C13orf46: variants seen among roughly 807,000 people sequenced by gnomAD.
C13orf46 encodes uncharacterized protein C13orf46.
chr13:113,945,598 AAAGAAAG>A, the C13orf46 span, among the ~76,000 whole-genome samples: 4 of 131,230 alleles, frequency 3.0e-5, no homozygotes, highest in African/African-American at 8.8e-5. Flanking sequence ...AGAGAGAAAG[AAAGAAAG>A]AAGAAAGAAA....
intron 2 of C13orf46, among the ~76,000 whole-genome samples, chr13:113,969,440 C>T (rs1034501190): frequency 2.0e-5 from 3 of 152,256 alleles, no homozygotes; most frequent in African/African-American, 4.8e-5. Flanking sequence ...AGGCTCCAGG[C>T]GCCGCACACA....
chr13:113,973,443 T>C (rs189589507), intron 1 of C13orf46, among the ~76,000 whole-genome samples: 212 of 152,208 alleles, frequency 1.4e-3, no homozygotes, highest in Admixed American at 3.2e-3. Context: ...TCTAGTCCCC[T>C]CACGTGTAAA....
chr13:113,930,355 G>A, the C13orf46 span, among the ~76,000 whole-genome samples: 4 of 85,580 alleles, frequency 4.7e-5, no homozygotes, highest in African/African-American at 1.7e-4. Flanking sequence ...GGAGCACCGA[G>A]GTGGGGGCGC....
At chr13:113,951,145 A>G (rs2052487200), downstream of C13orf46, among the ~76,000 whole-genome samples, 1 of 152,176 alleles carries the variant, frequency 6.6e-6, no homozygotes, top group African/African-American at 2.4e-5. Context: ...GGTGATCATC[A>G]TAAGGGACGT....
At chr13:113,926,569 G>C in the C13orf46 span, 1 of 152,240 alleles carries the variant, frequency 6.6e-6, no homozygotes, top group Non-Finnish European at 1.5e-5. Flanking sequence ...CAAATCCATA[G>C]AGACAGAAAG....
downstream of C13orf46, among the ~76,000 whole-genome samples, chr13:113,953,404 G>A (rs1007073117): frequency 0.11 from 17,043 of 152,184 alleles, 1,381 homozygotes; most frequent in Non-Finnish European, 0.17. Context: ...CGGGGTCCCA[G>A]GAGTCAGCCC....
chr13:113,933,259 T>A, the C13orf46 span, among the ~76,000 whole-genome samples: 1 of 152,206 alleles, frequency 6.6e-6, no homozygotes. Context: ...GACCCAGCAT[T>A]CCTTGTGGAA....
At chr13:113,949,342 T>C (rs2052480496), downstream of C13orf46, among the ~76,000 whole-genome samples, 2 of 152,116 alleles carry the variant, frequency 1.3e-5, no homozygotes, top group Non-Finnish European at 2.9e-5. Flanking sequence ...AAATCTGCAG[T>C]TGTCAGGAGT....
At chr13:113,932,169 G>A in the C13orf46 span, among the ~76,000 whole-genome samples, 3 of 152,352 alleles carry the variant, frequency 2.0e-5, no homozygotes, top group African/African-American at 2.4e-5. Flanking sequence ...CGTGGAGGAC[G>A]TTCAGGTTGT....
chr13:113,931,351 G>A, the C13orf46 span, among the ~76,000 whole-genome samples: 4 of 152,284 alleles, frequency 2.6e-5, no homozygotes, highest in East Asian at 1.9e-4. Context: ...TCCCTTGTGC[G>A]GACACAACTC....
chr13:113,958,867 C>T (rs1245483066), intron 6 of C13orf46, among the ~76,000 whole-genome samples: 1 of 151,662 alleles, frequency 6.6e-6, no homozygotes, highest in Non-Finnish European at 1.5e-5. Context: ...GGGGTCTCTC[C>T]TGGGGTCTCT....
At chr13:113,972,612 C>T (rs184024217) in intron 1 of C13orf46, among the ~76,000 whole-genome samples, 39 of 152,294 alleles carry the variant, frequency 2.6e-4, no homozygotes, top group African/African-American at 8.4e-4. Flanking sequence ...CCCACACCAC[C>T]GTCCGTTCGG....
At chr13:113,959,654 T>C (rs2052572122) in intron 6 of C13orf46, among the ~76,000 whole-genome samples, 1 of 152,206 alleles carries the variant, frequency 6.6e-6, no homozygotes, top group Non-Finnish European at 1.5e-5. Context: ...TCTAAGGCTG[T>C]CACTGGCCCA....
At position 113,955,414 on chromosome 13, in the gene C13orf46, A is replaced by G; in HGVS notation, c.*1359T>C. The G allele has an allele frequency of 6.1e-6, 1 of 164,248 alleles. No individual in the cohort carries two copies. Among genetic ancestry groups the G allele is most frequent in the Non-Finnish European group, 1.3e-5 (1 of 78,296 alleles). 10.2% of individuals were successfully genotyped at this position (164,248 alleles called of 1,614,324 possible). ...CGGAGACGAGGAGCATCCGGCGGTG[A>G]CGAGGAGCATCCGGCGGAGATGAGG... On this transcript the variant is annotated 3_prime_UTR_variant, in exon 7 of 7. Transcript: ENST00000636427.
chr13:113,946,648 C>T, the C13orf46 span, among the ~76,000 whole-genome samples: 4 of 152,238 alleles, frequency 2.6e-5, no homozygotes, highest in Non-Finnish European at 5.9e-5. Context: ...CAGAACGGGG[C>T]CGCAGAGGAC....
the C13orf46 span, chr13:113,927,878 A>G: frequency 5.7e-6 from 2 of 349,222 alleles, no homozygotes; most frequent in Non-Finnish European, 1.0e-5. Context: ...ATTCTCCAGC[A>G]AGTCTCTTGG....
At chr13:113,963,407 G>A (rs1440782347) in intron 6 of C13orf46, among the ~76,000 whole-genome samples, 3,292 of 90,542 alleles carry the variant, frequency 0.036, 479 homozygotes, top group Non-Finnish European at 0.048. Flanking sequence ...CCTCAGCCTC[G>A]CCCCTGTCCT....
intron 6 of C13orf46, among the ~76,000 whole-genome samples, chr13:113,957,573 TG>T (rs1455929054): frequency 4.0e-5 from 5 of 123,928 alleles, no homozygotes; most frequent in Admixed American, 8.3e-5. Flanking sequence ...TCAAGCGCAC[TG>T]GGGGGTCTCC....
chr13:113,946,424 C>T, the C13orf46 span, among the ~76,000 whole-genome samples: 49 of 152,328 alleles, frequency 3.2e-4, no homozygotes, highest in African/African-American at 9.1e-4. Flanking sequence ...AGGCTCTGCA[C>T]GCGGCACACA....
Sources: allele counts gnomAD v4.1 joint callset (sites outside exome capture counted in the v4.1 genomes callset), GRCh38; gene constraint gnomAD v4.1.1; transcripts MANE v1.5; gene names NCBI Gene and HGNC (gene_info 2026-07-23, HGNC 2026-07-21).